Variants in DNAJC5B observed in about 807,000 individuals in gnomAD.
DNAJC5B encodes dnaJ homolog subfamily C member 5B.
DNAJC5B carries 23 observed loss-of-function variants against 24.7 expected under a neutral mutation model. The observed-to-expected ratio is 0.93, with a 90% CI of 0.67 to 1.32. The LOEUF is 1.32. Among genes scored for constraint, DNAJC5B ranks in the 40% most tolerant of loss-of-function variants. DNAJC5B has a pLI of 0.00. For missense variants in DNAJC5B, 238 were observed against 240.8 expected (o/e 0.99, Z 0.08); for synonymous variants, 101 against 90.1 (o/e 1.12, Z -0.68).
intron 3 of DNAJC5B, among the ~76,000 whole-genome samples, chr8:66,058,692 T>G (rs1299781707): frequency 7.2e-5 from 11 of 152,178 alleles, no homozygotes; most frequent in Admixed American, 7.2e-4. Flanking sequence ...TTGTAGATCT[T>G]TATCATAGAG....
chr8:66,015,301 A>G, the DNAJC5B span, among the ~76,000 whole-genome samples: 1 of 152,202 alleles, frequency 6.6e-6, no homozygotes, highest in Admixed American at 6.5e-5. Flanking sequence ...ATGAAGGGAA[A>G]TGATTAAGTA....
chr8:66,068,238 T>C (rs1035747941), intron 3 of DNAJC5B, among the ~76,000 whole-genome samples: 1 of 152,176 alleles, frequency 6.6e-6, no homozygotes, highest in African/African-American at 2.4e-5. Context: ...AACAGAGCCA[T>C]GAGAATTTTA....
the DNAJC5B span, among the ~76,000 whole-genome samples, chr8:66,016,159 A>G: frequency 6.6e-6 from 1 of 152,230 alleles, no homozygotes; most frequent in Non-Finnish European, 1.5e-5. Flanking sequence ...ACATGACAGA[A>G]AAGCAAAAGA....
At chr8:66,066,974 A>G (rs1038195853) in intron 3 of DNAJC5B, among the ~76,000 whole-genome samples, 1 of 151,050 alleles carries the variant, frequency 6.6e-6, no homozygotes, top group African/African-American at 2.5e-5. Context: ...AAATTTTTAA[A>G]AAGCTAGGGG....
chr8:66,069,356 A>C (rs1273910611), intron 3 of DNAJC5B, among the ~76,000 whole-genome samples: 1 of 152,164 alleles, frequency 6.6e-6, no homozygotes, highest in Non-Finnish European at 1.5e-5. Context: ...AAATTTGAAA[A>C]TAAAAGGAGG....
intron 3 of DNAJC5B, among the ~76,000 whole-genome samples, chr8:66,065,254 G>A (rs1214665772): frequency 2.0e-5 from 3 of 152,224 alleles, no homozygotes; most frequent in Admixed American, 2.0e-4. Flanking sequence ...CCCAGAAAAT[G>A]AGAGAACACT....
intron 3 of DNAJC5B, among the ~76,000 whole-genome samples, chr8:66,068,462 G>T (rs1375323108): frequency 6.6e-6 from 1 of 150,436 alleles, no homozygotes; most frequent in Non-Finnish European, 1.5e-5. Context: ...TAGCTTAGAA[G>T]AAAATACCAA....
intron 3 of DNAJC5B, among the ~76,000 whole-genome samples, chr8:66,072,056 G>T (rs1462705978): frequency 6.7e-6 from 1 of 149,280 alleles, no homozygotes; most frequent in Admixed American, 6.7e-5. Context: ...TCAGGGGGTG[G>T]GGGGGTAGGG....
At chr8:66,091,918 G>C (rs1458206460) in intron 5 of DNAJC5B, among the ~76,000 whole-genome samples, 1 of 152,092 alleles carries the variant, frequency 6.6e-6, no homozygotes, top group East Asian at 1.9e-4. Flanking sequence ...AGACACAAAA[G>C]GACAAACATT....
At chr8:66,081,007 G>C (rs1361872030) in intron 5 of DNAJC5B, among the ~76,000 whole-genome samples, 2 of 152,092 alleles carry the variant, frequency 1.3e-5, no homozygotes, top group Admixed American at 6.5e-5. Context: ...TTAATGACTT[G>C]ATTATGAATT....
chr8:66,069,533 C>T (rs755938808), intron 3 of DNAJC5B, among the ~76,000 whole-genome samples: 4 of 152,160 alleles, frequency 2.6e-5, no homozygotes, highest in African/African-American at 4.8e-5. Flanking sequence ...CCTGAATAAA[C>T]CAATAACAAG....
At chr8:66,083,681 G>A (rs1807654126) in intron 5 of DNAJC5B, among the ~76,000 whole-genome samples, 1 of 152,114 alleles carries the variant, frequency 6.6e-6, no homozygotes, top group African/African-American at 2.4e-5. Context: ...TTGGCACAGT[G>A]AGCTGTAGGA....
rs965805705 is a variant in DNAJC5B, at chr8:66,030,631, C to CT, written c.-142+8935dup. The stretch of plus-strand genomic sequence containing the variant: ...GCAGTATGTGCTTTTGTGGCATGTT[C>CT]TTTTTTTTTCTTTTCTTTTTTCTGA... On this transcript the variant is annotated intron_variant, in intron 1 of 5. Coordinates refer to ENST00000276570, the MANE Select transcript of DNAJC5B (RefSeq NM_033105.6). Among the ~76,000 whole-genome samples the CT allele has an allele frequency of 1.6e-4, 24 of 151,352 alleles. No individual in the cohort carries two copies. In the South Asian group the frequency reaches 1.9e-3, roughly 12 times the overall value.
At chr8:66,023,905 C>G (rs1294316366) in intron 1 of DNAJC5B, among the ~76,000 whole-genome samples, 1 of 152,164 alleles carries the variant, frequency 6.6e-6, no homozygotes, top group Non-Finnish European at 1.5e-5. Context: ...CAGGCAGTCC[C>G]TGGGTGCAGG....
chr8:66,088,507 C>A (rs116558616), intron 5 of DNAJC5B, among the ~76,000 whole-genome samples: 3,487 of 152,254 alleles, frequency 0.023, 142 homozygotes, highest in African/African-American at 0.08. Context: ...TTTTTCTTTT[C>A]TACCATATAG....
chr8:66,051,634 A>G lies in DNAJC5B; in HGVS notation c.87A>G (p.Gly29=). 1 of 1,612,520 alleles carries G rather than the reference A, an allele frequency of 6.2e-7. No individual in the cohort carries two copies. Among genetic ancestry groups the G allele is most frequent in the Non-Finnish European group, 8.5e-7 (1 of 1,179,552 alleles). The stretch of plus-strand genomic sequence containing the variant: ...ACGAAATTCTTGGTCTGCATAAGGG[A>G]GCATCAAATGAAGAAATTAAGAAAA... ...ALYEILGLHK[G]ASNEEIKKTY... The change falls in exon 3 of 6, where the codon GGA becomes GGG. Residue 29 remains glycine (G), a synonymous_variant. Transcript: ENST00000276570.
intron 1 of DNAJC5B, among the ~76,000 whole-genome samples, chr8:66,036,434 C>T (rs1013428238): frequency 5.9e-5 from 9 of 152,310 alleles, no homozygotes; most frequent in South Asian, 2.1e-4. Flanking sequence ...AATCCCCCAA[C>T]GGACAAGCTC....
intron 2 of DNAJC5B, among the ~76,000 whole-genome samples, chr8:66,048,074 G>A (rs989810056): frequency 1.3e-5 from 2 of 152,076 alleles, no homozygotes; most frequent in Admixed American, 6.6e-5. Flanking sequence ...TTTGAATCAA[G>A]GATGTTTTCT....
intron 5 of DNAJC5B, among the ~76,000 whole-genome samples, chr8:66,094,889 T>G (rs1418460131): frequency 6.6e-6 from 1 of 152,104 alleles, no homozygotes; most frequent in Non-Finnish European, 1.5e-5. Context: ...GATCTGTTAA[T>G]GTGATGAATT....
Sources: allele counts gnomAD v4.1 joint callset (sites outside exome capture counted in the v4.1 genomes callset), GRCh38; gene constraint gnomAD v4.1.1; transcripts MANE v1.5; gene names NCBI Gene and HGNC (gene_info 2026-07-23, HGNC 2026-07-21).